The following AUTS2 variants were observed in gnomAD, a reference collection of about 807,000 sequenced individuals.
AUTS2 encodes autism susceptibility gene 2 protein.
A neutral mutation model predicts 112.4 loss-of-function variants in AUTS2; 17 were observed. The observed-to-expected ratio is 0.15, with a 90% CI of 0.10 to 0.23. The LOEUF is 0.23. Ranked by LOEUF, AUTS2 falls within the 10% of genes least tolerant of loss-of-function variation. The pLI is 1.00. For missense variants in AUTS2, 1,510 were observed against 1,701.6 expected, an observed-to-expected ratio of 0.89 and a Z score of 1.98; for synonymous variants, 751 against 702.7, an observed-to-expected ratio of 1.07 and a Z score of -1.09.
In AUTS2 at chr7:70,754,919, C is replaced by G. The variant is rs373068476; in HGVS notation, c.743-7951C>G. On this transcript the variant is annotated intron_variant, in intron 6 of 18. Transcript: ENST00000342771. The stretch of plus-strand genomic sequence containing the variant: ...GGTAATGACCTTGTAGTTAGTAAGT[C>G]CTGTTAGGAGACTTCGTAACAGAAT... Among the ~76,000 whole-genome samples the G allele has an allele frequency of 1.2e-4, 18 of 152,266 alleles. No individual in the cohort carries two copies. In the East Asian group the frequency reaches 3.5e-3, roughly 29 times the overall value.
chr7:70,122,251 A>G (rs1316111749), intron 3 of AUTS2, among the ~76,000 whole-genome samples: 1 of 152,182 alleles, frequency 6.6e-6, no homozygotes, highest in Non-Finnish European at 1.5e-5. Flanking sequence ...GATGATAACA[A>G]TGTTTTGGAA....
intron 4 of AUTS2, among the ~76,000 whole-genome samples, chr7:70,425,698 A>G (rs1795405419): frequency 1.3e-5 from 2 of 152,332 alleles, no homozygotes; most frequent in Admixed American, 6.5e-5. Flanking sequence ...CAAGACTTGT[A>G]TATGTTAAAT....
chr7:69,619,386 T>A (rs1415309989), intron 1 of AUTS2, among the ~76,000 whole-genome samples: 2 of 152,114 alleles, frequency 1.3e-5, no homozygotes, highest in Non-Finnish European at 2.9e-5. Flanking sequence ...AGCATTACCT[T>A]GGAAGTCAGG....
In AUTS2 at chr7:69,835,125, C is replaced by G. The variant is rs575850444; in HGVS notation, c.310-64161C>G. Reference sequence around the variant, plus strand: ...TGGACCTTGTACAGTCTCTTTTATGCTCGTTTTTAATCTCACCAATTTCTA... The same window carrying G: ...TGGACCTTGTACAGTCTCTTTTATGGTCGTTTTTAATCTCACCAATTTCTA... On this transcript the variant is annotated intron_variant, in intron 1 of 18. Coordinates refer to ENST00000342771, the MANE Select transcript of AUTS2 (RefSeq NM_015570.4). 7.9e-5 allele frequency among the ~76,000 whole-genome samples: 12 copies of G among 151,964 alleles called. No homozygotes were observed. The South Asian group carries it at 2.5e-3, about 32-fold the overall frequency.
chr7:70,568,618 C>T (rs996244759), intron 5 of AUTS2, among the ~76,000 whole-genome samples: 1 of 152,222 alleles, frequency 6.6e-6, no homozygotes, highest in Non-Finnish European at 1.5e-5. Context: ...ACACCTGTCT[C>T]CTTCATCTGC....
At chr7:70,365,441 A>T (rs1166441508) in intron 4 of AUTS2, among the ~76,000 whole-genome samples, 1 of 152,206 alleles carries the variant, frequency 6.6e-6, no homozygotes, top group Non-Finnish European at 1.5e-5. Context: ...TGTGGTGTAG[A>T]CCAGAAGTTT....
chr7:70,149,867 A>G (rs1287440130), intron 4 of AUTS2, among the ~76,000 whole-genome samples: 1 of 152,086 alleles, frequency 6.6e-6, no homozygotes, highest in East Asian at 1.9e-4. Context: ...AAAGTTTTTG[A>G]GAATATTGAT....
intron 4 of AUTS2, among the ~76,000 whole-genome samples, chr7:70,279,947 AC>A (rs1788126384): frequency 6.6e-6 from 1 of 152,228 alleles, no homozygotes; most frequent in South Asian, 2.1e-4. Flanking sequence ...AATGAGGCAC[AC>A]CTGGGTTGGA....
intron 2 of AUTS2, among the ~76,000 whole-genome samples, chr7:69,983,173 C>T: frequency 6.6e-6 from 1 of 152,154 alleles, no homozygotes; most frequent in East Asian, 1.9e-4. Context: ...TGCATATTTT[C>T]TTACAACATT....
chr7:69,889,726 C>T (rs1025274135), intron 1 of AUTS2, among the ~76,000 whole-genome samples: 5 of 152,080 alleles, frequency 3.3e-5, no homozygotes, highest in Admixed American at 1.3e-4. Context: ...CAAATGTGTG[C>T]GTGTGTTACT....
intron 3 of AUTS2, chr7:70,118,470 A>T: frequency 2.3e-6 from 1 of 439,118 alleles, no homozygotes; most frequent in Non-Finnish European, 3.8e-6. Flanking sequence ...AGGTAGGAGG[A>T]ACTATTTGTT....
intron 18 of AUTS2, among the ~76,000 whole-genome samples, chr7:70,788,606 T>C (rs965031161): frequency 1.3e-5 from 2 of 152,190 alleles, no homozygotes; most frequent in African/African-American, 4.8e-5. Context: ...CACCAGCCCT[T>C]TGCGTGTTTT....
intron 4 of AUTS2, among the ~76,000 whole-genome samples, chr7:70,321,128 A>G (rs1318423192): frequency 2.6e-5 from 4 of 152,218 alleles, no homozygotes; most frequent in Non-Finnish European, 5.9e-5. Flanking sequence ...TTTGTGAGAT[A>G]GGTAGTATTA....
chr7:69,856,786 TC>T (rs779991996), intron 1 of AUTS2, among the ~76,000 whole-genome samples: 1 of 152,240 alleles, frequency 6.6e-6, no homozygotes, highest in Non-Finnish European at 1.5e-5. Flanking sequence ...TACCCTTGTT[TC>T]TACAGGACAC....
chr7:69,987,923 G>C (rs1390689172), intron 2 of AUTS2, among the ~76,000 whole-genome samples: 2 of 152,168 alleles, frequency 1.3e-5, no homozygotes, highest in African/African-American at 4.8e-5. Flanking sequence ...AGTAGTCACT[G>C]TTCTTCAAAC....
In AUTS2 at chr7:70,406,631, T is replaced by C. The variant is rs1314346273; in HGVS notation, c.661-29121T>C. On this transcript the variant is annotated intron_variant, in intron 4 of 18. Coordinates refer to ENST00000342771, the MANE Select transcript of AUTS2 (RefSeq NM_015570.4). Reference sequence around the variant, plus strand: ...TGCTGGGCTCACGTGGGTGTATCTATGTGTGCTTCCTCTCAGGCCTCATCT... The same window carrying C: ...TGCTGGGCTCACGTGGGTGTATCTACGTGTGCTTCCTCTCAGGCCTCATCT... Among the ~76,000 whole-genome samples the C allele has an allele frequency of 2.0e-5, 3 of 152,226 alleles. No homozygotes were observed. The East Asian group carries it at 5.8e-4, about 29-fold the overall frequency.
intron 4 of AUTS2, chr7:70,316,989 GTC>G (rs1404122610): frequency 7.9e-5 from 12 of 152,182 alleles, no homozygotes; most frequent in Admixed American, 7.9e-4. Context: ...CTGGCAGCAT[GTC>G]TCTGGGAGAA....
intron 4 of AUTS2, among the ~76,000 whole-genome samples, chr7:70,361,112 G>A (rs982398181): frequency 1.4e-4 from 21 of 152,140 alleles, no homozygotes; most frequent in African/African-American, 4.8e-4. Flanking sequence ...TTGGGAGGCC[G>A]AGGTGGGCGG....
chr7:70,298,937 C>T (rs1789071313), intron 4 of AUTS2, among the ~76,000 whole-genome samples: 1 of 152,220 alleles, frequency 6.6e-6, no homozygotes, highest in Non-Finnish European at 1.5e-5. Context: ...TTAATGCCAG[C>T]CCACACGGGT....
Sources: gnomAD v4.1 joint callset for allele counts (sites outside exome capture counted in the v4.1 genomes callset) on GRCh38, gnomAD v4.1.1 for gene constraint, MANE v1.5 for transcripts, NCBI Gene and HGNC (gene_info 2026-07-23, HGNC 2026-07-21) for gene names.